The following RIMS2 variants were observed in gnomAD, a reference collection of about 807,000 sequenced individuals.
The protein encoded by RIMS2 is regulating synaptic membrane exocytosis 2.
Under a neutral mutation model 174.4 loss-of-function variants are expected in RIMS2, and 59 were observed. That is an observed-to-expected ratio of 0.34 (90% CI 0.27 to 0.42). The LOEUF (loss-of-function observed/expected upper bound fraction) is 0.42, where lower values mean the gene tolerates loss of function less well. RIMS2 is among the 10% of genes least tolerant of loss of function. The pLI is 1.00. For missense variants in RIMS2, 1,620 were observed against 1,666.3 expected, an observed-to-expected ratio of 0.97 and a Z score of 0.48; for synonymous variants, 606 against 572.5, an observed-to-expected ratio of 1.06 and a Z score of -0.84.
chr8:103,987,596 T>C (rs1488971273), intron 16 of RIMS2, among the ~76,000 whole-genome samples: 3 of 151,856 alleles, frequency 2.0e-5, no homozygotes, highest in Non-Finnish European at 1.5e-5. Context: ...TTCATTAATA[T>C]TGTCACTGTT....
intron 3 of RIMS2, among the ~76,000 whole-genome samples, chr8:103,847,058 A>AT (rs763654499): frequency 2.0e-5 from 3 of 152,034 alleles, no homozygotes; most frequent in East Asian, 1.9e-4. Flanking sequence ...GATTATTATT[A>AT]TTTTTTCTGG....
intron 19 of RIMS2, among the ~76,000 whole-genome samples, chr8:104,194,612 T>C (rs936808023): frequency 1.1e-4 from 16 of 152,160 alleles, no homozygotes; most frequent in African/African-American, 3.9e-4. Context: ...ATCTAGTACA[T>C]GGCACAAAAA....
At chr8:103,779,443 T>C (rs1248955377) in intron 3 of RIMS2, among the ~76,000 whole-genome samples, 1 of 152,144 alleles carries the variant, frequency 6.6e-6, no homozygotes, top group Non-Finnish European at 1.5e-5. Flanking sequence ...GATAGGATTC[T>C]AGTTTCATTC....
At chr8:103,577,171 A>G (rs1440318774) in intron 1 of RIMS2, among the ~76,000 whole-genome samples, 1 of 152,248 alleles carries the variant, frequency 6.6e-6, no homozygotes, top group African/African-American at 2.4e-5. Flanking sequence ...TTTGCAATAT[A>G]TCCATCTGAC....
At chr8:103,599,437 T>C (rs1212292148) in intron 1 of RIMS2, among the ~76,000 whole-genome samples, 1 of 148,054 alleles carries the variant, frequency 6.8e-6, no homozygotes, top group Non-Finnish European at 1.5e-5. Context: ...TATATGTGTA[T>C]ATATATATTT....
At chr8:103,761,179 T>G (rs562991729) in intron 2 of RIMS2, among the ~76,000 whole-genome samples, 4 of 152,206 alleles carry the variant, frequency 2.6e-5, no homozygotes, top group African/African-American at 7.2e-5. Context: ...CTTCATGGAA[T>G]GTGGAGTTAG....
At chr8:104,028,321 C>T (rs1319208737) in intron 19 of RIMS2, among the ~76,000 whole-genome samples, 2 of 151,904 alleles carry the variant, frequency 1.3e-5, no homozygotes, top group East Asian at 3.9e-4. Flanking sequence ...AGTTAAGTCT[C>T]CATGAATATA....
intron 4 of RIMS2, among the ~76,000 whole-genome samples, chr8:103,902,866 G>C (rs2073501014): frequency 6.6e-6 from 1 of 152,100 alleles, no homozygotes; most frequent in Non-Finnish European, 1.5e-5. Context: ...TTAAATTAGA[G>C]TTTTCCAAAG....
chr8:103,681,139 T>C (rs2096874992), intron 1 of RIMS2, among the ~76,000 whole-genome samples: 1 of 151,880 alleles, frequency 6.6e-6, no homozygotes, highest in East Asian at 1.9e-4. Flanking sequence ...ACTATAGGGG[T>C]AAAGAGCACG....
chr8:103,873,053 T>G (rs1221481007), intron 3 of RIMS2, among the ~76,000 whole-genome samples: 3 of 152,174 alleles, frequency 2.0e-5, no homozygotes, highest in Admixed American at 1.3e-4. Context: ...AAGTTCTGGG[T>G]GCACTAGAGC....
At chr8:103,675,799 A>C (rs2096802115) in intron 1 of RIMS2, among the ~76,000 whole-genome samples, 1 of 152,112 alleles carries the variant, frequency 6.6e-6, no homozygotes, top group Non-Finnish European at 1.5e-5. Context: ...ACATACAGAC[A>C]CTCAGACAAA....
chr8:104,238,526 G>A (rs1037785233), intron 19 of RIMS2, among the ~76,000 whole-genome samples: 7 of 151,936 alleles, frequency 4.6e-5, no homozygotes, highest in African/African-American at 1.7e-4. Flanking sequence ...TACCACAGAG[G>A]TTGATGAAGG....
Position 103,871,811 on chromosome 8 carries a change from G to C in RIMS2, c.699-13487G>C, listed in dbSNP as rs1229084345. On this transcript the variant is annotated intron_variant, in intron 3 of 23. Coordinates refer to ENST00000504942, the Ensembl canonical transcript of RIMS2. ...TTTTTTTTTTACATTTAGTTCTTTT[G>C]GGAAGTAAAATTAACTCTGTAGTTG... Among the ~76,000 whole-genome samples the C allele has an allele frequency of 2.6e-5, 4 of 151,574 alleles. 1 individual carries two copies. The highest frequency in any genetic ancestry group is 4.4e-5 in the Non-Finnish European group (3 of 67,902).
chr8:103,661,197 T>C (rs2096595695), intron 1 of RIMS2, among the ~76,000 whole-genome samples: 1 of 152,260 alleles, frequency 6.6e-6, no homozygotes, highest in Admixed American at 6.5e-5. Context: ...TATAATTGCA[T>C]GCAATTGTAT....
chr8:104,223,809 C>T (rs749624729), intron 19 of RIMS2: 1 of 1,588,626 alleles, frequency 6.3e-7, no homozygotes, highest in South Asian at 1.1e-5. Flanking sequence ...ACACCCCTTC[C>T]CCCGTAGTTG....
intron 14 of RIMS2, among the ~76,000 whole-genome samples, chr8:103,953,862 C>T (rs886951802): frequency 3.3e-5 from 5 of 151,986 alleles, no homozygotes; most frequent in Admixed American, 6.6e-5. Context: ...AGACCCATCT[C>T]ATGTGCAGAG....
chr8:104,113,256 C>A (rs999664673), intron 19 of RIMS2, among the ~76,000 whole-genome samples: 1 of 152,056 alleles, frequency 6.6e-6, no homozygotes, highest in Admixed American at 6.6e-5. Flanking sequence ...CATGAGAATT[C>A]TATTCCAGTT....
chr8:103,815,216 G>A (rs1266500914), intron 3 of RIMS2, among the ~76,000 whole-genome samples: 1 of 152,080 alleles, frequency 6.6e-6, no homozygotes, highest in African/African-American at 2.4e-5. Context: ...TTCTCAAAAT[G>A]TTGTACCAAT....
At chr8:103,847,968 T>C (rs1284995114) in intron 3 of RIMS2, among the ~76,000 whole-genome samples, 1 of 151,890 alleles carries the variant, frequency 6.6e-6, no homozygotes. Context: ...ACCTCTTGTG[T>C]AGATCTTCTC....
Sources: allele counts gnomAD v4.1 joint callset (sites outside exome capture counted in the v4.1 genomes callset), GRCh38; gene constraint gnomAD v4.1.1; transcripts MANE v1.5; gene names NCBI Gene and HGNC (gene_info 2026-07-23, HGNC 2026-07-21).